The following VWC2L variants were observed in gnomAD, a reference collection of about 807,000 sequenced individuals.
The protein encoded by VWC2L is von Willebrand factor C domain containing 2 like.
A neutral mutation model predicts 21.6 loss-of-function variants in VWC2L; 10 were observed. That is an observed-to-expected ratio of 0.46 (90% confidence interval 0.29 to 0.78). The LOEUF is 0.78. Among genes scored for constraint, VWC2L ranks in the 30% least tolerant of loss-of-function variants. The pLI is 0.10. For synonymous variants in VWC2L, 96 were observed against 94.3 expected (o/e 1.02, Z -0.10); for missense variants, 209 against 277.1 (o/e 0.75, Z 1.74).
Position 214,411,160 on chromosome 2 carries a change from T to A in VWC2L, c.-707T>A, listed in dbSNP as rs1206487390. The A allele has an allele frequency of 6.6e-6, 1 of 152,186 alleles. No individual in the cohort carries two copies. Among genetic ancestry groups the A allele is most frequent in the Non-Finnish European group, 1.5e-5 (1 of 68,068 alleles). 9.4% of individuals were successfully genotyped at this position (152,186 alleles called of 1,614,324 possible). ...ATTCCCGGCTGCCGGCAGAATGAGC[T>A]CCAAATCAGCAATCTGCAAACTGCT... is the stretch of plus-strand genomic sequence containing the variant. On this transcript the variant is annotated 5_prime_UTR_variant, in exon 1 of 4. Coordinates refer to ENST00000312504, the MANE Select transcript of VWC2L (RefSeq NM_001080500.4).
chr2:214,418,488 A>C (rs1702388639), intron 2 of VWC2L, among the ~76,000 whole-genome samples: 1 of 152,186 alleles, frequency 6.6e-6, no homozygotes, highest in South Asian at 2.1e-4. Context: ...GTAATACATC[A>C]CACTGCAATA....
intron 3 of VWC2L, among the ~76,000 whole-genome samples, chr2:214,463,164 ATTC>A (rs1206024196): frequency 6.6e-5 from 10 of 152,168 alleles, no homozygotes; most frequent in Non-Finnish European, 1.0e-4. Context: ...AAATTTACAT[ATTC>A]TTATTAATAT....
At chr2:214,530,862 C>T (rs1475607781) in intron 3 of VWC2L, among the ~76,000 whole-genome samples, 1 of 152,172 alleles carries the variant, frequency 6.6e-6, no homozygotes, top group African/African-American at 2.4e-5. Flanking sequence ...CCCCTGAAAT[C>T]TCTAAACCAT....
chr2:214,492,078 A>G (rs1351593794), intron 3 of VWC2L, among the ~76,000 whole-genome samples: 1 of 152,234 alleles, frequency 6.6e-6, no homozygotes, highest in Non-Finnish European at 1.5e-5. Flanking sequence ...TGTGAATATA[A>G]CAGAAGGATA....
At chr2:214,432,058 C>T (rs1024409022) in intron 2 of VWC2L, among the ~76,000 whole-genome samples, 1 of 152,146 alleles carries the variant, frequency 6.6e-6, no homozygotes, top group Non-Finnish European at 1.5e-5. Context: ...CCCCAAAGTG[C>T]CCATTATAAT....
At chr2:214,566,427 C>A (rs537789602) in intron 3 of VWC2L, among the ~76,000 whole-genome samples, 1 of 152,282 alleles carries the variant, frequency 6.6e-6, no homozygotes, top group East Asian at 1.9e-4. Context: ...ATCTTACATA[C>A]TTAAGGGCCA....
At chr2:214,559,418 G>T (rs1022635097) in intron 3 of VWC2L, among the ~76,000 whole-genome samples, 1 of 151,916 alleles carries the variant, frequency 6.6e-6, no homozygotes, top group African/African-American at 2.4e-5. Context: ...TGTTGCAAAT[G>T]CTTTCCCATA....
chr2:214,458,034 C>T (rs1017678879), intron 3 of VWC2L, among the ~76,000 whole-genome samples: 1 of 151,892 alleles, frequency 6.6e-6, no homozygotes, highest in African/African-American at 2.4e-5. Flanking sequence ...AGTTTGAGGA[C>T]AATAGGTTTT....
intron 3 of VWC2L, among the ~76,000 whole-genome samples, chr2:214,570,688 T>TAAA (rs35453142): frequency 0.019 from 2,787 of 149,274 alleles, 91 homozygotes; most frequent in African/African-American, 0.063. Context: ...GTGTTTCATT[T>TAAA]AAAAAAAAAA....
chr2:214,512,609 C>A (rs1156481779), intron 3 of VWC2L, among the ~76,000 whole-genome samples: 1 of 151,944 alleles, frequency 6.6e-6, no homozygotes, highest in Non-Finnish European at 1.5e-5. Context: ...AAATTTTTGT[C>A]AATGGACATG....
intron 2 of VWC2L, among the ~76,000 whole-genome samples, chr2:214,426,108 G>A (rs1574558113): frequency 7.3e-6 from 1 of 137,612 alleles, no homozygotes; most frequent in East Asian, 2.4e-4. Flanking sequence ...GGAGGTGGAA[G>A]TTTCAGTGAG....
chr2:214,574,282 G>A (rs1039996237), intron 3 of VWC2L, among the ~76,000 whole-genome samples: 1 of 152,154 alleles, frequency 6.6e-6, no homozygotes, highest in South Asian at 2.1e-4. Flanking sequence ...CATGCCAAGT[G>A]TTTGTGTTAC....
intron 3 of VWC2L, among the ~76,000 whole-genome samples, chr2:214,571,098 T>C (rs1029890078): frequency 6.6e-6 from 1 of 152,164 alleles, no homozygotes; most frequent in Non-Finnish European, 1.5e-5. Flanking sequence ...AGAAAAACAA[T>C]CTCACTTGTT....
Position 214,576,103 on chromosome 2 carries a change from A to C in VWC2L, c.*283A>C, listed in dbSNP as rs1427529946. On this transcript the variant is annotated 3_prime_UTR_variant, in exon 4 of 4. Coordinates refer to ENST00000312504, the MANE Select transcript of VWC2L (RefSeq NM_001080500.4). ...ATTGCTGGAACAAAAAGAAAGAAAT[A>C]GCCTTGCACAGGCTCCTTCCCTGGT... 1 of 198,384 alleles carries C rather than the reference A, an allele frequency of 5.0e-6. No individual in the cohort carries two copies. The highest frequency in any genetic ancestry group is 1.0e-5 in the Non-Finnish European group (1 of 98,398). The allele number at this position is 198,384 out of a possible 1,614,324, so 12.3% of individuals were successfully genotyped here. A position where few individuals can be genotyped will look rare whatever the true frequency, so the allele number is the denominator to read the frequency against.
chr2:214,481,730 A>G (rs566622278), intron 3 of VWC2L, among the ~76,000 whole-genome samples: 2 of 152,348 alleles, frequency 1.3e-5, no homozygotes, highest in South Asian at 4.1e-4. Context: ...GTTAAGCTGC[A>G]TTACAAATAC....
chr2:214,481,238 C>T (rs745422475), intron 3 of VWC2L, among the ~76,000 whole-genome samples: 2 of 152,278 alleles, frequency 1.3e-5, no homozygotes, highest in African/African-American at 2.4e-5. Flanking sequence ...AAATAGATTG[C>T]AGCAGAAATG....
intron 3 of VWC2L, among the ~76,000 whole-genome samples, chr2:214,568,666 A>AC (rs1290939292): frequency 2.0e-5 from 3 of 152,126 alleles, no homozygotes; most frequent in Non-Finnish European, 4.4e-5. Context: ...CACAGGAAAG[A>AC]CCCATTCCCA....
At chr2:214,435,652 G>A (rs1301334749) in intron 2 of VWC2L, among the ~76,000 whole-genome samples, 2 of 152,170 alleles carry the variant, frequency 1.3e-5, no homozygotes, top group Admixed American at 6.6e-5. Flanking sequence ...TGTGGCTTCA[G>A]ATTGGAGGCA....
At chr2:214,416,161 A>G (rs1010778692) in intron 2 of VWC2L, among the ~76,000 whole-genome samples, 18 of 152,070 alleles carry the variant, frequency 1.2e-4, no homozygotes, top group Non-Finnish European at 2.2e-4. Context: ...TAAGTTTCTG[A>G]GATTTATATA....
Sources: allele counts gnomAD v4.1 joint callset (sites outside exome capture counted in the v4.1 genomes callset), GRCh38; gene constraint gnomAD v4.1.1; transcripts MANE v1.5; gene names NCBI Gene and HGNC (gene_info 2026-07-23, HGNC 2026-07-21).